The following SLC68A1 variants were observed in gnomAD, a reference collection of about 807,000 sequenced individuals.
SLC68A1 encodes solute carrier family 68 member 1.
At chr10:102,469,889 A>G in the SLC68A1 span, 2 of 1,479,138 alleles carry the variant, frequency 1.4e-6, no homozygotes, top group Non-Finnish European at 9.0e-7. Context: ...TGCAGGTAGG[A>G]AAGCTGGGGC....
the SLC68A1 span, chr10:102,476,052 G>GTT: frequency 8.4e-5 from 62 of 737,748 alleles, no homozygotes; most frequent in South Asian, 1.2e-4. Flanking sequence ...GTTTTTTTTG[G>GTT]TTTTTTTTTT....
the SLC68A1 span, among the ~76,000 whole-genome samples, chr10:102,475,556 G>T: frequency 6.6e-6 from 1 of 152,104 alleles, no homozygotes; most frequent in South Asian, 2.1e-4. Flanking sequence ...GGTGGTGCCC[G>T]TCACTGAGAT....
At chr10:102,475,968 A>C in the SLC68A1 span, 3 of 1,583,938 alleles carry the variant, frequency 1.9e-6, no homozygotes, top group Non-Finnish European at 2.6e-6. Flanking sequence ...CAAACCCTGG[A>C]TGTTAAGATG....
chr10:102,468,863 GT>G, the SLC68A1 span: 1 of 604,362 alleles, frequency 1.7e-6, no homozygotes, highest in Non-Finnish European at 2.9e-6. Flanking sequence ...ACTCTCTCCT[GT>G]TGGAAATGAG....
At chr10:102,470,420 A>G in the SLC68A1 span, among the ~76,000 whole-genome samples, 1 of 152,284 alleles carries the variant, frequency 6.6e-6, no homozygotes, top group East Asian at 1.9e-4. Flanking sequence ...TGGGCATCCC[A>G]TACCCTTTGG....
the SLC68A1 span, among the ~76,000 whole-genome samples, chr10:102,462,216 G>A: frequency 6.6e-6 from 1 of 152,182 alleles, no homozygotes; most frequent in Non-Finnish European, 1.5e-5. Context: ...AGTGAAACAG[G>A]AAACACAGCA....
chr10:102,461,674 G>C, the SLC68A1 span, among the ~76,000 whole-genome samples: 1 of 152,190 alleles, frequency 6.6e-6, no homozygotes, highest in Non-Finnish European at 1.5e-5. Flanking sequence ...AATCCTCGCA[G>C]AAAGGCTCTC....
chr10:102,471,198 G>A, the SLC68A1 span: 37 of 1,600,132 alleles, frequency 2.3e-5, no homozygotes, highest in Non-Finnish European at 2.7e-5. Context: ...CCGGCTGATG[G>A]GGGCTGCCCT....
the SLC68A1 span, chr10:102,476,045 T>TTG: frequency 7.3e-7 from 1 of 1,378,604 alleles, no homozygotes; most frequent in Non-Finnish European, 9.4e-7. Context: ...GGAGCCAGTT[T>TTG]TTTTTGGTTT....
the SLC68A1 span, chr10:102,473,091 A>G: frequency 1.4e-6 from 1 of 725,092 alleles, no homozygotes; most frequent in Non-Finnish European, 2.4e-6. Context: ...CTCCCAAAGT[A>G]CTGGGATTAC....
the SLC68A1 span, chr10:102,476,312 C>G: frequency 6.9e-5 from 19 of 274,256 alleles, no homozygotes; most frequent in Middle Eastern, 1.5e-3. Context: ...AGGTGATCAG[C>G]CCGCCTCGGC....
chr10:102,469,552 G>GTTT, the SLC68A1 span, among the ~76,000 whole-genome samples: 2 of 147,782 alleles, frequency 1.4e-5, no homozygotes, highest in African/African-American at 2.5e-5. Context: ...AGGTTTTTTT[G>GTTT]TTTTTTTTTT....
At chr10:102,476,887 C>T in the SLC68A1 span, 18 of 985,536 alleles carry the variant, frequency 1.8e-5, no homozygotes, top group Non-Finnish European at 2.2e-5. Flanking sequence ...CCTCCCACTC[C>T]GTCCACCCTT....
the SLC68A1 span, chr10:102,469,189 G>A: frequency 9.9e-6 from 16 of 1,613,930 alleles, no homozygotes; most frequent in African/African-American, 1.3e-5. Flanking sequence ...GGCCTTCTGG[G>A]TCGGAGAGGT....
At chr10:102,476,076 T>TTG in the SLC68A1 span, 4 of 330,398 alleles carry the variant, frequency 1.2e-5, no homozygotes, top group South Asian at 4.2e-4. Context: ...GATTTCATAG[T>TTG]TTTTTTTTTT....
At chr10:102,476,051 G>GTT in the SLC68A1 span, 88 of 614,702 alleles carry the variant, frequency 1.4e-4, no homozygotes, top group East Asian at 6.2e-4. Flanking sequence ...AGTTTTTTTT[G>GTT]GTTTTTTTTT....
At chr10:102,465,549 G>A in the SLC68A1 span, among the ~76,000 whole-genome samples, 1 of 152,204 alleles carries the variant, frequency 6.6e-6, no homozygotes, top group Non-Finnish European at 1.5e-5. Flanking sequence ...CCCACTTTGT[G>A]GGCGAGGAGC....
the SLC68A1 span, among the ~76,000 whole-genome samples, chr10:102,474,758 C>G: frequency 6.6e-6 from 1 of 152,108 alleles, no homozygotes; most frequent in Non-Finnish European, 1.5e-5. Flanking sequence ...AGTGAGCCTG[C>G]CACCTAGCCT....
chr10:102,462,564 A>T, the SLC68A1 span, among the ~76,000 whole-genome samples: 1 of 152,150 alleles, frequency 6.6e-6, no homozygotes, highest in South Asian at 2.1e-4. Context: ...TTCAGAAATC[A>T]GGGAGATGTT....
Sources: gnomAD v4.1 joint callset for allele counts (sites outside exome capture counted in the v4.1 genomes callset) on GRCh38, gnomAD v4.1.1 for gene constraint, MANE v1.5 for transcripts, NCBI Gene and HGNC (gene_info 2026-07-23, HGNC 2026-07-21) for gene names.